COG5: variants seen among roughly 807,000 people sequenced by gnomAD.
COG5 encodes conserved oligomeric Golgi complex subunit 5.
Under a neutral mutation model 110.4 loss-of-function variants are expected in COG5, and 86 were observed. The observed-to-expected ratio is 0.78, with a 90% confidence interval of 0.65 to 0.93. The LOEUF is 0.93. Ranked by LOEUF, COG5 falls within the 40% of genes least tolerant of loss-of-function variation. The pLI is 0.00. For missense variants in COG5, 1,077 were observed against 987.0 expected, an observed-to-expected ratio of 1.09 and a Z score of -1.22; for synonymous variants, 360 against 334.6, an observed-to-expected ratio of 1.08 and a Z score of -0.83.
chr7:107,327,113 G>C (rs1809831930), intron 10 of COG5, among the ~76,000 whole-genome samples: 1 of 152,040 alleles, frequency 6.6e-6, no homozygotes, highest in African/African-American at 2.4e-5. Context: ...AGGGACCAAT[G>C]GAGTAGAGAG....
chr7:107,314,110 G>A (rs1180457736), intron 11 of COG5, among the ~76,000 whole-genome samples: 1 of 152,108 alleles, frequency 6.6e-6, no homozygotes, highest in Non-Finnish European at 1.5e-5. Context: ...GGGACTTTTA[G>A]AAACATTTTG....
chr7:107,283,697 T>G lies in COG5; in HGVS notation c.1349A>C (p.Tyr450Ser), dbSNP rs143592207. 1 of 1,614,040 alleles carries G rather than the reference T, an allele frequency of 6.2e-7. No homozygotes were observed. Among genetic ancestry groups the G allele is most frequent in the South Asian group, 1.1e-5 (1 of 91,084 alleles). The stretch of plus-strand genomic sequence containing the variant: ...GGATTTTGATAGATAAGCAGCCTCA[T>G]AGGGTTGTAGTGAGTCTTTCAAAGC... ...EKALKDSLQP[Y>S]EAAYLSKSLS... Residue 450 changes from tyrosine (Y) to serine (S), a missense_variant, in exon 13 of 22, where the codon TAT becomes TCT. Coordinates refer to ENST00000297135, the MANE Select transcript of COG5 (RefSeq NM_006348.5).
intron 6 of COG5, among the ~76,000 whole-genome samples, chr7:107,468,337 TCTC>T (rs1348228745): frequency 6.6e-6 from 1 of 152,144 alleles, no homozygotes; most frequent in Admixed American, 6.6e-5. Context: ...GTGTTAATAA[TCTC>T]CTCATCCCCA....
intron 7 of COG5, among the ~76,000 whole-genome samples, chr7:107,389,542 T>C (rs923572965): frequency 1.3e-5 from 2 of 152,220 alleles, no homozygotes; most frequent in Admixed American, 6.5e-5. Context: ...CATTCCTTCC[T>C]GTGCTAAAGG....
intron 1 of COG5, chr7:107,563,547 G>C (rs187084765): frequency 0.072 from 19,126 of 265,920 alleles, 39 homozygotes; most frequent in South Asian, 0.11. Flanking sequence ...GGAGGCATGG[G>C]GGGGGGGGGG....
chr7:107,385,874 CATTT>C (rs1033342259), intron 7 of COG5, among the ~76,000 whole-genome samples: 16 of 147,472 alleles, frequency 1.1e-4, no homozygotes, highest in Non-Finnish European at 1.9e-4. Flanking sequence ...TTTTAATTTG[CATTT>C]CCCTTACGAT....
intron 11 of COG5, among the ~76,000 whole-genome samples, chr7:107,316,785 T>TC (rs145008893): frequency 0.51 from 77,500 of 150,978 alleles, 20,111 homozygotes; most frequent in African/African-American, 0.59. Flanking sequence ...TCAATGGAGA[T>TC]GCACCACTGC....
At chr7:107,483,427 T>C (rs1797461951) in intron 6 of COG5, among the ~76,000 whole-genome samples, 1 of 152,180 alleles carries the variant, frequency 6.6e-6, no homozygotes, top group South Asian at 2.1e-4. Context: ...AAGACAAGGC[T>C]GGGCATGGTG....
At chr7:107,273,579 T>C (rs1468958974) in intron 14 of COG5, among the ~76,000 whole-genome samples, 1 of 152,194 alleles carries the variant, frequency 6.6e-6, no homozygotes, top group Middle Eastern at 3.2e-3. Flanking sequence ...ACTATGTAAT[T>C]GACCAATCCT....
chr7:107,210,554 A>G lies in COG5; in HGVS notation c.2347T>C (p.Ser783Pro), dbSNP rs773449359. Residue 783 changes from serine (S) to proline (P), a missense_variant, in exon 21 of 22, where the codon TCT becomes CCT. Transcript: ENST00000297135. ...RFSQWLDDHPSEKDRLLLIRG... is the reference protein window; with the variant it reads ...RFSQWLDDHPPEKDRLLLIRG... ...ATGAGGAGGAGCCTGTCCTTTTCAGATGGATGGTCATCCAGCCACTGAGAG... is the reference window on the plus strand; with the variant it reads ...ATGAGGAGGAGCCTGTCCTTTTCAGGTGGATGGTCATCCAGCCACTGAGAG... The G allele has an allele frequency of 1.2e-6, 2 of 1,603,630 alleles. No individual in the cohort carries two copies. The highest frequency in any genetic ancestry group is 1.7e-6 in the Non-Finnish European group (2 of 1,175,280).
intron 10 of COG5, among the ~76,000 whole-genome samples, chr7:107,346,767 T>C (rs944652591): frequency 9.9e-5 from 15 of 152,102 alleles, no homozygotes; most frequent in Non-Finnish European, 1.0e-4. Flanking sequence ...GTTTGTTACA[T>C]ATGTATACAT....
chr7:107,506,222 C>T (rs1425541100), intron 6 of COG5, among the ~76,000 whole-genome samples: 1 of 152,120 alleles, frequency 6.6e-6, no homozygotes, highest in Non-Finnish European at 1.5e-5. Flanking sequence ...TGGCCTCCAG[C>T]CAGGAAATGA....
chr7:107,217,825 C>A (rs1584532790), intron 19 of COG5, among the ~76,000 whole-genome samples: 1 of 152,170 alleles, frequency 6.6e-6, no homozygotes, highest in African/African-American at 2.4e-5. Context: ...CCACTGTCAG[C>A]AAGCACTTTT....
chr7:107,307,125 C>T (rs577399176), intron 11 of COG5, among the ~76,000 whole-genome samples: 13 of 152,320 alleles, frequency 8.5e-5, no homozygotes, highest in East Asian at 5.8e-4. Context: ...ACAGTCTGCA[C>T]ACATTTGCTT....
At chr7:107,491,779 T>A (rs1797987101) in intron 6 of COG5, among the ~76,000 whole-genome samples, 1 of 152,104 alleles carries the variant, frequency 6.6e-6, no homozygotes, top group Non-Finnish European at 1.5e-5. Context: ...AATAGAAAAT[T>A]CCATGAGAAA....
chr7:107,548,629 G>T (rs1376179455), intron 3 of COG5, among the ~76,000 whole-genome samples: 1 of 152,128 alleles, frequency 6.6e-6, no homozygotes, highest in Non-Finnish European at 1.5e-5. Flanking sequence ...GAGGATGGTT[G>T]CACAACACTG....
chr7:107,428,697 A>AT (rs770524024), intron 6 of COG5, among the ~76,000 whole-genome samples: 254 of 152,056 alleles, frequency 1.7e-3, no homozygotes, highest in African/African-American at 5.8e-3. Flanking sequence ...TGTTATATTC[A>AT]TTTTTTTTCT....
chr7:107,380,206 A>C (rs1226279125), intron 7 of COG5, among the ~76,000 whole-genome samples: 6 of 152,194 alleles, frequency 3.9e-5, no homozygotes, highest in African/African-American at 7.2e-5. Context: ...TCATAGGAGA[A>C]AGAGAGAAAG....
At chr7:107,259,046 T>C (rs1803110061) in intron 14 of COG5, among the ~76,000 whole-genome samples, 1 of 152,110 alleles carries the variant, frequency 6.6e-6, no homozygotes, top group Non-Finnish European at 1.5e-5. Flanking sequence ...CTTTCTACAC[T>C]TGACCTTTAA....
Sources: allele counts gnomAD v4.1 joint callset (sites outside exome capture counted in the v4.1 genomes callset), GRCh38; gene constraint gnomAD v4.1.1; transcripts MANE v1.5; gene names NCBI Gene and HGNC (gene_info 2026-07-23, HGNC 2026-07-21).